DPH7: variants seen among roughly 807,000 people sequenced by gnomAD.
The protein encoded by DPH7 is diphthamide biosynthesis 7, also known as diphthine methyltransferase.
DPH7 carries 44 observed loss-of-function variants against 41.7 expected under a neutral mutation model. The ratio of observed to expected loss-of-function variants is 1.05; its 90% CI spans 0.83 to 1.36. The LOEUF (loss-of-function observed/expected upper bound fraction) is 1.36. DPH7 is among the 40% of genes most tolerant of loss of function. The pLI, the probability that DPH7 is intolerant of heterozygous loss-of-function variation, is 0.00. For synonymous variants in DPH7, 275 were observed against 238.0 expected (o/e 1.16, Z -1.43); for missense variants, 629 against 577.5 (o/e 1.09, Z -0.91).
In DPH7 at chr9:137,555,524, G is replaced by C. The variant is rs1837337194; in HGVS notation, c.1074C>G (p.Ser358Arg). 1 of 1,614,108 alleles carries C rather than the reference G, an allele frequency of 6.2e-7. No homozygotes were observed. ...LQRAPSWSFP[S>R]NLGTKTADLK... ...GGTCTGCCGTCTTGGTTCCTAGGTT[G>C]CTAGGAAAGGACCACGAGGGGGCCC... The change falls in exon 9 of 9, where the codon AGC (serine) becomes AGG (arginine). Residue 358 changes from serine to arginine, a missense_variant. Coordinates refer to ENST00000277540, the MANE Select transcript of DPH7 (RefSeq NM_138778.5).
intron 2 of DPH7, among the ~76,000 whole-genome samples, chr9:137,576,905 A>G (rs1841506176): frequency 6.6e-6 from 1 of 150,522 alleles, no homozygotes; most frequent in Non-Finnish European, 1.5e-5. Flanking sequence ...AAAAAAAAAG[A>G]GGCATGGTGG....
intron 5 of DPH7, among the ~76,000 whole-genome samples, chr9:137,572,270 T>C (rs1564453609): frequency 6.6e-6 from 1 of 152,150 alleles, no homozygotes. Flanking sequence ...TGAGGGAATG[T>C]GGACTATTTC....
intron 5 of DPH7, among the ~76,000 whole-genome samples, chr9:137,570,559 A>G (rs1447598408): frequency 6.6e-6 from 1 of 152,096 alleles, no homozygotes; most frequent in African/African-American, 2.4e-5. Flanking sequence ...GGTCATCGCA[A>G]ATTTTAAAAT....
chr9:137,578,715 C>T lies in DPH7; in HGVS notation c.63G>A (p.Trp21Ter). ...DTELTADSVE[W>*]CPLQGCRHLL... ...GGTGCCTGCAGCCTTGCAGCGGGCA[C>T]CACTCCACCGAGTCCGCGGTCAGCT... The change falls in exon 1 of 9, where the codon TGG becomes TGA. Residue 21 changes from tryptophan to a stop codon, truncating the protein, a stop_gained. Coordinates refer to ENST00000277540, the MANE Select transcript of DPH7 (RefSeq NM_138778.5). LOFTEE classifies it high-confidence loss of function. 1 of 1,531,272 alleles carries T rather than the reference C, an allele frequency of 6.5e-7. No individual in the cohort carries two copies. The highest frequency in any genetic ancestry group is 1.2e-5 in the South Asian group (1 of 82,204). The allele number at this position is 1,531,272 out of a possible 1,614,324, so 94.9% of individuals were successfully genotyped here.
chr9:137,573,937 G>A (rs1250199159), intron 5 of DPH7, among the ~76,000 whole-genome samples: 1 of 151,996 alleles, frequency 6.6e-6, no homozygotes, highest in Admixed American at 6.6e-5. Context: ...GTGGTGGCAG[G>A]CGCCTGTAAT....
intron 3 of DPH7, chr9:137,575,671 C>T: frequency 9.7e-7 from 1 of 1,035,412 alleles, no homozygotes; most frequent in Non-Finnish European, 1.2e-6. Context: ...GGCTCCAGAG[C>T]ACTGTGAGAA....
chr9:137,575,154 G>A lies in DPH7; in HGVS notation c.376-311C>T, dbSNP rs918899478. 3.0e-5 allele frequency: 33 copies of A among 1,084,862 alleles called. No individual in the cohort carries two copies. The African/African-American group carries it at 5.0e-4, about 16-fold the overall frequency. The allele number at this position is 1,084,862 out of a possible 1,614,324, so 67.2% of individuals were successfully genotyped here. A position where few individuals can be genotyped will look rare whatever the true frequency, so the allele number is the denominator to read the frequency against. ...TTGCGCTCCTAGATGCTGTCGAGAT[G>A]CCTGTGCAGGCTCCAGACCACAGTG... On this transcript the variant is annotated intron_variant, in intron 3 of 8. Transcript: ENST00000277540.
chr9:137,564,987 T>G (rs1183699193), intron 6 of DPH7, 29 bp from the exon 7 acceptor site: 3 of 1,600,366 alleles, frequency 1.9e-6, no homozygotes, highest in Non-Finnish European at 2.6e-6. Context: ...TCTGAACCAG[T>G]GTCCAGCACA....
At chr9:137,557,951 A>G (rs1417929391) in intron 8 of DPH7, among the ~76,000 whole-genome samples, 2 of 152,272 alleles carry the variant, frequency 1.3e-5, no homozygotes, top group East Asian at 3.9e-4. Context: ...CCTGACCAAC[A>G]TGGTAAAACC....
Position 137,555,515 on chromosome 9 carries a change from T to C in DPH7, c.1083A>G (p.Gly361=), listed in dbSNP as rs765339547. Reference sequence around the variant, plus strand: ...CACCCTTCAGGTCTGCCGTCTTGGTTCCTAGGTTGCTAGGAAAGGACCACG... The same window carrying C: ...CACCCTTCAGGTCTGCCGTCTTGGTCCCTAGGTTGCTAGGAAAGGACCACG... The part of the protein sequence containing the change: ...APSWSFPSNL[G]TKTADLKGAS... The change falls in exon 9 of 9, where the codon GGA becomes GGG. Residue 361 remains glycine, a synonymous_variant. Coordinates refer to ENST00000277540, the MANE Select transcript of DPH7 (RefSeq NM_138778.5). 4.3e-6 allele frequency: 7 copies of C among 1,614,088 alleles called. No homozygotes were observed. The Admixed American group carries it at 8.3e-5, about 19-fold the overall frequency.
intron 5 of DPH7, among the ~76,000 whole-genome samples, chr9:137,569,464 T>C (rs1294447670): frequency 8.0e-5 from 8 of 100,374 alleles, no homozygotes; most frequent in African/African-American, 3.2e-4. Context: ...TCACCCACCA[T>C]CCATCCATCC....
chr9:137,565,283 G>C lies in DPH7; in HGVS notation c.641-129C>G, dbSNP rs1447475319. On this transcript the variant is annotated intron_variant, in intron 5 of 8. Coordinates refer to ENST00000277540, the MANE Select transcript of DPH7 (RefSeq NM_138778.5). Reference sequence around the variant, plus strand: ...TGAGGAAGCTCCCCGGGGTGACTCTGTCTGTGAGGAAGCTCCCCTGGGTGA... The same window carrying C: ...TGAGGAAGCTCCCCGGGGTGACTCTCTCTGTGAGGAAGCTCCCCTGGGTGA... The C allele has an allele frequency of 1.4e-5, 9 of 638,320 alleles. 1 individual carries two copies. Among genetic ancestry groups the C allele is most frequent in the East Asian group, 1.3e-4 (4 of 31,866 alleles). The allele number at this position is 638,320 out of a possible 1,614,324, so 39.5% of individuals were successfully genotyped here.
intron 4 of DPH7, 31 bp from the exon 5 acceptor site, chr9:137,574,411 G>A (rs1172532235): frequency 1.9e-6 from 3 of 1,604,086 alleles, no homozygotes; most frequent in Non-Finnish European, 2.6e-6. Context: ...AAGAAGCCCG[G>A]CAGAATGTTA....
intron 5 of DPH7, among the ~76,000 whole-genome samples, chr9:137,568,368 T>G (rs34635635): frequency 2.5e-3 from 4 of 1,578 alleles, no homozygotes; most frequent in Admixed American, 3.4e-3. Flanking sequence ...GAAGCTCCCC[T>G]GGGTGACTCT....
At chr9:137,577,338 T>C (rs1038967202) in intron 2 of DPH7, 132 bp downstream of exon 2, 11 of 899,202 alleles carry the variant, frequency 1.2e-5, no homozygotes, top group Non-Finnish European at 1.7e-5. Context: ...AGGTGGAAGA[T>C]AGGCGGGACA....
At position 137,564,417 on chromosome 9, in the gene DPH7, C is replaced by T; in HGVS notation, c.949+17G>A. The T allele has an allele frequency of 6.2e-7, 1 of 1,602,774 alleles. No homozygotes were observed. The highest frequency in any genetic ancestry group is 2.2e-5 in the East Asian group (1 of 44,630). On this transcript the variant is annotated intron_variant, in intron 8 of 8. Transcript: ENST00000277540. ...GTGCCCTGCCCTGAGGCCCAGCAGC[C>T]ACGGGTCCCCACTCACCCATTGCCT...
chr9:137,554,705 G>A lies in DPH7; in HGVS notation c.*534C>T, dbSNP rs1837172049. On this transcript the variant is annotated 3_prime_UTR_variant, in exon 9 of 9. Coordinates refer to ENST00000277540, the MANE Select transcript of DPH7 (RefSeq NM_138778.5). Reference sequence around the variant, plus strand: ...TCCTCCTGCCTCAGCCCCTTCCAAAGTGCTGGGATTACAGGCCACTGTGAC... The same window carrying A: ...TCCTCCTGCCTCAGCCCCTTCCAAAATGCTGGGATTACAGGCCACTGTGAC... Among the ~76,000 whole-genome samples the A allele has an allele frequency of 6.6e-6, 1 of 152,152 alleles. No homozygotes were observed. Among genetic ancestry groups the A allele is most frequent in the Non-Finnish European group, 1.5e-5 (1 of 68,032 alleles).
chr9:137,578,618 C>A lies in DPH7; in HGVS notation c.153+7G>T. On this transcript the variant is annotated splice_region_variant and intron_variant, in intron 1 of 8. Transcript: ENST00000277540. Reference sequence around the variant, plus strand: ...GCCCTCCCCTCCCGAAGCCGCGGCGCGCGCACCTTGTTCTGGGGGCCGGCA... The same window carrying A: ...GCCCTCCCCTCCCGAAGCCGCGGCGAGCGCACCTTGTTCTGGGGGCCGGCA... The A allele has an allele frequency of 6.7e-7, 1 of 1,483,394 alleles. No homozygotes were observed. Among genetic ancestry groups the A allele is most frequent in the Non-Finnish European group, 8.9e-7 (1 of 1,123,848 alleles). The allele number at this position is 1,483,394 out of a possible 1,614,324, so 91.9% of individuals were successfully genotyped here. A position where few individuals can be genotyped will look rare whatever the true frequency, so the allele number is the denominator to read the frequency against.
chr9:137,564,589 A>G lies in DPH7; in HGVS notation c.794T>C (p.Leu265Pro), dbSNP rs1839233345. The change falls in exon 8 of 9, where the codon CTA becomes CCA. Residue 265 changes from leucine to proline, a missense_variant. By Grantham distance (98) the Leu-to-Pro change is moderately conservative. Transcript: ENST00000277540. ...CTTCATGTTTCGTGTGTCCCACAGT[A>G]GGATGTGTTCATCATAGCTGAAACC... ...LATGSYDEHI[L>P]LWDTRNMKQP... The G allele has an allele frequency of 6.2e-7, 1 of 1,613,124 alleles. No individual in the cohort carries two copies. The highest frequency in any genetic ancestry group is 8.5e-7 in the Non-Finnish European group (1 of 1,179,314).
Sources: gnomAD v4.1 joint callset for allele counts (sites outside exome capture counted in the v4.1 genomes callset) on GRCh38, gnomAD v4.1.1 for gene constraint, MANE v1.5 for transcripts, NCBI Gene and HGNC (gene_info 2026-07-23, HGNC 2026-07-21) for gene names.